Variants in EDIL3 observed in about 807,000 individuals in gnomAD.
EDIL3 encodes EGF like and discoidin domains 3.
EDIL3 carries 37 observed loss-of-function variants against 67.4 expected under a neutral mutation model. The observed-to-expected ratio is 0.55, with a 90% confidence interval of 0.42 to 0.72. The LOEUF is 0.72. EDIL3 is among the 30% of genes least tolerant of loss of function. The pLI, the probability that EDIL3 is intolerant of heterozygous loss-of-function variation, is 0.00. For missense variants in EDIL3, 527 were observed against 586.3 expected, an observed-to-expected ratio of 0.90 and a Z score of 1.04; for synonymous variants, 195 against 196.3, an observed-to-expected ratio of 0.99 and a Z score of 0.05.
At chr5:84,315,673 C>T (rs1351782327) in intron 1 of EDIL3, among the ~76,000 whole-genome samples, 1 of 151,764 alleles carries the variant, frequency 6.6e-6, no homozygotes, top group Non-Finnish European at 1.5e-5. Flanking sequence ...GTGTAGAGCA[C>T]CGAAAACACT....
At chr5:84,177,404 A>G (rs536961523) in intron 4 of EDIL3, among the ~76,000 whole-genome samples, 1 of 152,332 alleles carries the variant, frequency 6.6e-6, no homozygotes, top group South Asian at 2.1e-4. Flanking sequence ...CAGAGACAGT[A>G]AAAAGATCCG....
At chr5:84,235,043 G>T (rs1744653647) in intron 2 of EDIL3, among the ~76,000 whole-genome samples, 1 of 152,108 alleles carries the variant, frequency 6.6e-6, no homozygotes, top group Non-Finnish European at 1.5e-5. Flanking sequence ...TTAAATTTGT[G>T]AACTCAGTCA....
chr5:84,346,003 T>C (rs115586206), intron 1 of EDIL3, among the ~76,000 whole-genome samples: 4,878 of 152,242 alleles, frequency 0.032, 113 homozygotes, highest in Non-Finnish European at 0.048. Context: ...AAGAACAATA[T>C]TTGTTTTGCT....
chr5:84,022,193 C>A (rs1745730671), intron 9 of EDIL3, among the ~76,000 whole-genome samples: 1 of 151,752 alleles, frequency 6.6e-6, no homozygotes, highest in South Asian at 2.1e-4. Flanking sequence ...TATTCAATAA[C>A]ACAACAAAAA....
rs144094780 is a variant in EDIL3 at position 84,215,262 on chromosome 5, T to C, written c.226+14593A>G. ...TACATAAGTAAGATGAGCAGATTTT[T>C]TTTTTTCTTGAGACGGAGTTTTGCT... On this transcript the variant is annotated intron_variant, in intron 3 of 10. Coordinates refer to ENST00000296591, the MANE Select transcript of EDIL3 (RefSeq NM_005711.5). Among the ~76,000 whole-genome samples, 243 of 152,240 alleles carry C rather than the reference T, an allele frequency of 1.6e-3. 2 individuals carry two copies. The highest frequency in any genetic ancestry group is 5.4e-3 in the African/African-American group (226 of 41,534).
chr5:84,315,691 A>ATACT (rs1746498868), intron 1 of EDIL3, among the ~76,000 whole-genome samples: 1 of 151,932 alleles, frequency 6.6e-6, no homozygotes, highest in African/African-American at 2.4e-5. Flanking sequence ...ACTCTTCAGG[A>ATACT]TACTATCCAG....
intron 9 of EDIL3, among the ~76,000 whole-genome samples, chr5:84,028,581 A>T (rs1745859619): frequency 6.6e-6 from 1 of 152,062 alleles, no homozygotes; most frequent in Non-Finnish European, 1.5e-5. Context: ...ACACACAGAC[A>T]CACACACACG....
intron 5 of EDIL3, among the ~76,000 whole-genome samples, chr5:84,130,197 T>G (rs568939944): frequency 4.6e-5 from 7 of 152,176 alleles, no homozygotes; most frequent in Non-Finnish European, 7.4e-5. Context: ...GCTCCCTCTT[T>G]TTTGCCCTCA....
At chr5:84,326,040 G>A (rs746792825) in intron 1 of EDIL3, among the ~76,000 whole-genome samples, 2 of 152,004 alleles carry the variant, frequency 1.3e-5, no homozygotes, top group Non-Finnish European at 2.9e-5. Context: ...AGGTCACCAG[G>A]GCTCTGCCTG....
At chr5:84,029,308 TTC>T (rs1272055095) in intron 9 of EDIL3, among the ~76,000 whole-genome samples, 4 of 151,988 alleles carry the variant, frequency 2.6e-5, no homozygotes, top group Non-Finnish European at 5.9e-5. Flanking sequence ...TCTGCACAAG[TTC>T]TCTCTCTTTG....
intron 1 of EDIL3, among the ~76,000 whole-genome samples, chr5:84,324,198 C>A (rs1277129113): frequency 3.3e-5 from 5 of 151,654 alleles, no homozygotes; most frequent in African/African-American, 1.2e-4. Context: ...TTAACAAAGA[C>A]AGAGATAATA....
chr5:84,188,211 CATTCCCAGGCTAATGTAAA>C (rs946680205), intron 3 of EDIL3, among the ~76,000 whole-genome samples: 1 of 151,950 alleles, frequency 6.6e-6, no homozygotes, highest in Non-Finnish European at 1.5e-5. Flanking sequence ...TCCTTGTTTA[CATTCCCAGGCTAATGTAAA>C]AATATGCCAC....
rs558343418 is a variant in EDIL3, at chr5:84,147,164, T to TA, written c.356-9811dup. ...TTTTGCCTGTATCTAAACTTTATAG[T>TA]AAAAAAAAAAATTCTGTATGTGATC... On this transcript the variant is annotated intron_variant, in intron 4 of 10. Coordinates refer to ENST00000296591, the MANE Select transcript of EDIL3 (RefSeq NM_005711.5). 6.0e-3 allele frequency among the ~76,000 whole-genome samples: 895 copies of TA among 148,604 alleles called. 7 individuals are homozygous for TA. Among genetic ancestry groups the TA allele is most frequent in the African/African-American group, 0.021 (836 of 40,780 alleles).
chr5:84,101,523 C>T (rs189916305), intron 6 of EDIL3, among the ~76,000 whole-genome samples: 2 of 152,104 alleles, frequency 1.3e-5, no homozygotes, highest in African/African-American at 4.8e-5. Context: ...TACTAATAAC[C>T]ATCAGCAACT....
In EDIL3 at chr5:84,216,276, G is replaced by A. The variant is rs959306299; in HGVS notation, c.226+13579C>T. Among the ~76,000 whole-genome samples, 24 of 152,198 alleles carry A rather than the reference G, an allele frequency of 1.6e-4. 1 individual carries two copies. The highest frequency in any genetic ancestry group is 4.8e-4 in the African/African-American group (20 of 41,508). On this transcript the variant is annotated intron_variant, in intron 3 of 10. Transcript: ENST00000296591. ...GGCAGTCAGGGAGATTTTCATTTCC[G>A]ATTCTATTCTTTTCCACAATGTTTA...
intron 3 of EDIL3, among the ~76,000 whole-genome samples, chr5:84,215,264 T>A (rs1459967036): frequency 6.6e-6 from 1 of 152,104 alleles, no homozygotes; most frequent in Non-Finnish European, 1.5e-5. Context: ...CAGATTTTTT[T>A]TTTTCTTGAG....
chr5:84,242,064 C>CAA (rs397702402), intron 2 of EDIL3, among the ~76,000 whole-genome samples: 2,862 of 122,270 alleles, frequency 0.023, 106 homozygotes, highest in African/African-American at 0.072. Flanking sequence ...ACTAAAAGTA[C>CAA]AAAAAAAAAA....
At chr5:83,978,099 A>G (rs1192042208) in intron 9 of EDIL3, among the ~76,000 whole-genome samples, 1 of 151,982 alleles carries the variant, frequency 6.6e-6, no homozygotes, top group Non-Finnish European at 1.5e-5. Context: ...AGCATATGAT[A>G]TAATAGAAAA....
chr5:84,288,229 G>A (rs961286315), intron 1 of EDIL3, among the ~76,000 whole-genome samples: 13 of 152,056 alleles, frequency 8.5e-5, no homozygotes, highest in African/African-American at 3.1e-4. Flanking sequence ...TCTGTGGGCA[G>A]TTTATGTTGC....
Sources: gnomAD v4.1 joint callset for allele counts (sites outside exome capture counted in the v4.1 genomes callset) on GRCh38, gnomAD v4.1.1 for gene constraint, MANE v1.5 for transcripts, NCBI Gene and HGNC (gene_info 2026-07-23, HGNC 2026-07-21) for gene names.